The following CRTAC1 variants were observed in gnomAD, a reference collection of about 807,000 sequenced individuals.
The protein encoded by CRTAC1 is cartilage acidic protein 1, also known as acidic secreted protein in cartilage.
In CRTAC1, 37 loss-of-function variants were observed where a neutral mutation model predicts 67.8. That is an observed-to-expected ratio of 0.55 (90% CI 0.42 to 0.72). The LOEUF (loss-of-function observed/expected upper bound fraction) is 0.72. Ranked by LOEUF, CRTAC1 falls within the 30% of genes least tolerant of loss-of-function variation. The pLI is 0.00. For synonymous variants in CRTAC1, 348 were observed against 371.0 expected, an observed-to-expected ratio of 0.94 and a Z score of 0.71; for missense variants, 780 against 931.6, an observed-to-expected ratio of 0.84 and a Z score of 2.12.
At chr10:98,010,019 A>G (rs1842875209) in intron 2 of CRTAC1, among the ~76,000 whole-genome samples, 1 of 151,660 alleles carries the variant, frequency 6.6e-6, no homozygotes, top group African/African-American at 2.4e-5. Flanking sequence ...TGTCTGGCAC[A>G]TATTAGTGCT....
At chr10:98,006,850 G>T (rs1842800443) in intron 2 of CRTAC1, among the ~76,000 whole-genome samples, 1 of 152,166 alleles carries the variant, frequency 6.6e-6, no homozygotes, top group Non-Finnish European at 1.5e-5. Context: ...CTGAACCATA[G>T]GTGCCCCTGA....
chr10:97,995,305 A>AAC (rs140500771), intron 2 of CRTAC1, among the ~76,000 whole-genome samples: 1 of 151,498 alleles, frequency 6.6e-6, no homozygotes, highest in Non-Finnish European at 1.5e-5. Flanking sequence ...CATACACACA[A>AAC]ACACACACAC....
intron 1 of CRTAC1, among the ~76,000 whole-genome samples, chr10:98,019,267 C>T (rs1336246177): frequency 1.3e-5 from 2 of 152,188 alleles, no homozygotes; most frequent in Admixed American, 6.5e-5. Flanking sequence ...GACCCCGCCG[C>T]CTGGCTTATA....
intron 2 of CRTAC1, among the ~76,000 whole-genome samples, chr10:97,959,530 G>C (rs112152131): frequency 0.011 from 1,702 of 152,292 alleles, 15 homozygotes; most frequent in Non-Finnish European, 0.019. Flanking sequence ...CCTGAGTTTT[G>C]GGTTGGATGA....
intron 1 of CRTAC1, among the ~76,000 whole-genome samples, chr10:98,026,671 C>A (rs1843240024): frequency 6.6e-6 from 1 of 152,138 alleles, no homozygotes; most frequent in Non-Finnish European, 1.5e-5. Flanking sequence ...ACTTCATCTT[C>A]TGTGAGCATG....
intron 3 of CRTAC1, among the ~76,000 whole-genome samples, chr10:97,925,400 G>A (rs1350567528): frequency 6.6e-6 from 1 of 152,144 alleles, no homozygotes; most frequent in Admixed American, 6.5e-5. Flanking sequence ...GAGTGGGTGT[G>A]TGAGTGAGGG....
intron 3 of CRTAC1, among the ~76,000 whole-genome samples, chr10:97,933,932 T>TTGAAAGCTCCCCAGG (rs1438239523): frequency 6.6e-6 from 1 of 152,180 alleles, no homozygotes; most frequent in African/African-American, 2.4e-5. Flanking sequence ...GCTGGGATTG[T>TTGAAAGCTCCCCAGG]TGAAAGCTCC....
intron 5 of CRTAC1, among the ~76,000 whole-genome samples, chr10:97,915,832 C>T (rs181783276): frequency 7.2e-5 from 11 of 152,236 alleles, no homozygotes; most frequent in East Asian, 3.9e-4. Context: ...CAGAGCTGTT[C>T]GAACACGTCC....
At chr10:97,950,482 G>A (rs558477612) in intron 2 of CRTAC1, among the ~76,000 whole-genome samples, 3 of 152,316 alleles carry the variant, frequency 2.0e-5, no homozygotes, top group South Asian at 4.1e-4. Context: ...GAGGAAGTCC[G>A]GGGCTGGGCA....
intron 1 of CRTAC1, among the ~76,000 whole-genome samples, chr10:98,020,203 G>T (rs142310262): frequency 6.6e-6 from 1 of 152,100 alleles, no homozygotes; most frequent in Non-Finnish European, 1.5e-5. Flanking sequence ...AGAGTGGGTC[G>T]TGTGGATCTT....
chr10:97,984,382 G>C (rs920157281), intron 2 of CRTAC1, among the ~76,000 whole-genome samples: 7 of 152,230 alleles, frequency 4.6e-5, no homozygotes, highest in African/African-American at 1.7e-4. Context: ...CATTGTTCCA[G>C]ACACTTTGGG....
chr10:98,009,753 T>C (rs950813245), intron 2 of CRTAC1, among the ~76,000 whole-genome samples: 1 of 152,198 alleles, frequency 6.6e-6, no homozygotes, highest in Non-Finnish European at 1.5e-5. Flanking sequence ...CAGGCCCCTG[T>C]AGTGTTTTTA....
Position 97,880,408 on chromosome 10 carries a change from AACC to A in CRTAC1, c.1676-19_1676-17del. On this transcript the variant is annotated splice_polypyrimidine_tract_variant and intron_variant, in intron 13 of 14. Coordinates refer to ENST00000370597, the MANE Select transcript of CRTAC1 (RefSeq NM_018058.7). ...TCATTGGTGTCTGCAAGGCGAGGGG[AACC>A]ACTCACCATGAAGGTGTGGGGCAGC... 8 of 1,610,688 alleles carry A rather than the reference AACC, an allele frequency of 5.0e-6. No homozygotes were observed. Among genetic ancestry groups the A allele is most frequent in the Non-Finnish European group, 6.8e-6 (8 of 1,177,106 alleles).
At chr10:97,928,892 T>C (rs1392248607) in intron 3 of CRTAC1, among the ~76,000 whole-genome samples, 1 of 151,998 alleles carries the variant, frequency 6.6e-6, no homozygotes, top group Non-Finnish European at 1.5e-5. Flanking sequence ...AAGGGGCCAT[T>C]GGTGGCTTCT....
rs375102264 is a variant in CRTAC1, at chr10:97,865,525, G to A, written c.*23C>T. ...CCCACTCCCCTGCTGGACTCCATCCGCTGGTTCATGTCCCACCCCTGCTCA... is the reference window on the plus strand; with the variant it reads ...CCCACTCCCCTGCTGGACTCCATCCACTGGTTCATGTCCCACCCCTGCTCA... On this transcript the variant is annotated 3_prime_UTR_variant, in exon 15 of 15. Coordinates refer to ENST00000370597, the MANE Select transcript of CRTAC1 (RefSeq NM_018058.7). 44 of 1,587,996 alleles carry A rather than the reference G, an allele frequency of 2.8e-5. No homozygotes were observed. Among genetic ancestry groups the A allele is most frequent in the Middle Eastern group, 1.7e-4 (1 of 5,982 alleles).
At chr10:97,879,842 A>ATTTTCTGGG in intron 14 of CRTAC1, 1 of 619,354 alleles carries the variant, frequency 1.6e-6, no homozygotes, top group Non-Finnish European at 2.7e-6. Flanking sequence ...AATGGGAAAA[A>ATTTTCTGGG]GAGAAAGGGG....
intron 2 of CRTAC1, among the ~76,000 whole-genome samples, chr10:97,970,836 A>G (rs796657168): frequency 1.3e-5 from 2 of 152,384 alleles, no homozygotes; most frequent in African/African-American, 4.8e-5. Context: ...TGCTACAAGA[A>G]TGTCAGTGAT....
intron 2 of CRTAC1, among the ~76,000 whole-genome samples, chr10:97,976,091 A>T (rs1385588270): frequency 2.0e-5 from 3 of 152,104 alleles, no homozygotes; most frequent in African/African-American, 4.8e-5. Context: ...GGCCATCTAG[A>T]GCTCGGAAAG....
intron 2 of CRTAC1, among the ~76,000 whole-genome samples, chr10:98,001,786 C>T (rs1325961113): frequency 6.6e-6 from 1 of 152,128 alleles, no homozygotes; most frequent in Non-Finnish European, 1.5e-5. Flanking sequence ...ACACCCGCAC[C>T]TCAAAAATAA....
Sources: gnomAD v4.1 joint callset for allele counts (sites outside exome capture counted in the v4.1 genomes callset) on GRCh38, gnomAD v4.1.1 for gene constraint, MANE v1.5 for transcripts, NCBI Gene and HGNC (gene_info 2026-07-23, HGNC 2026-07-21) for gene names.